The following EHBP1 variants were observed in gnomAD, a reference collection of about 807,000 sequenced individuals.
The protein encoded by EHBP1 is EH domain binding protein 1.
In EHBP1, 55 loss-of-function variants were observed where a neutral mutation model predicts 144.0. That is an observed-to-expected ratio of 0.38 (90% CI 0.31 to 0.48). The LOEUF is 0.48. EHBP1 is among the 20% of genes least tolerant of loss of function. The pLI, the probability that EHBP1 is intolerant of heterozygous loss-of-function variation, is 0.98. For missense variants in EHBP1, 1,200 were observed against 1,364.2 expected (o/e 0.88, Z 1.90); for synonymous variants, 469 against 472.7 (o/e 0.99, Z 0.10).
At position 62,805,153 on chromosome 2, in the gene EHBP1, G is replaced by A. The variant is rs1219890197; in HGVS notation, c.313-20934G>A. 2.6e-5 allele frequency among the ~76,000 whole-genome samples: 4 copies of A among 152,096 alleles called. No individual in the cohort carries two copies. In the East Asian group the frequency reaches 7.7e-4, roughly 29 times the overall value. On this transcript the variant is annotated intron_variant, in intron 5 of 22. Transcript: ENST00000431489. ...TAATTTAGGATCAATGTGAAGAATTGACTAAGAATTTTTCATCTAGTTATC... is the reference window on the plus strand; with the variant it reads ...TAATTTAGGATCAATGTGAAGAATTAACTAAGAATTTTTCATCTAGTTATC...
chr2:62,739,277 A>G (rs1340864291), intron 2 of EHBP1, among the ~76,000 whole-genome samples: 2 of 152,214 alleles, frequency 1.3e-5, no homozygotes, highest in African/African-American at 4.8e-5. Flanking sequence ...CAGAAACAAG[A>G]CAGACAAATC....
chr2:62,924,256 T>G (rs1191275414), intron 10 of EHBP1, among the ~76,000 whole-genome samples: 1 of 152,150 alleles, frequency 6.6e-6, no homozygotes, highest in Non-Finnish European at 1.5e-5. Flanking sequence ...ATGGCAAGTT[T>G]ATAGCAATAA....
chr2:62,779,207 C>T (rs1356925409), intron 5 of EHBP1, among the ~76,000 whole-genome samples: 1 of 152,130 alleles, frequency 6.6e-6, no homozygotes, highest in Non-Finnish European at 1.5e-5. Flanking sequence ...GTTCCACCCC[C>T]TCTGGAAATG....
At chr2:62,761,387 G>C (rs2040755574) in intron 3 of EHBP1, among the ~76,000 whole-genome samples, 1 of 152,192 alleles carries the variant, frequency 6.6e-6, no homozygotes, top group Admixed American at 6.5e-5. Flanking sequence ...AAAGAGAATA[G>C]AGGGAGAATT....
chr2:62,978,293 T>G (rs1272341237), intron 14 of EHBP1, among the ~76,000 whole-genome samples: 1 of 151,374 alleles, frequency 6.6e-6, no homozygotes, highest in African/African-American at 2.4e-5. Context: ...CTCCGCCTCC[T>G]GGGTTCAAGT....
intron 16 of EHBP1, among the ~76,000 whole-genome samples, chr2:62,993,234 A>G (rs1339024086): frequency 6.6e-6 from 1 of 152,118 alleles, no homozygotes; most frequent in South Asian, 2.1e-4. Context: ...GGCTGTACAA[A>G]CTGATGACAC....
Position 62,949,054 on chromosome 2 carries a change from T to C in EHBP1, c.2208T>C (p.Asp736=). The C allele has an allele frequency of 1.2e-6, 2 of 1,610,200 alleles. No individual in the cohort carries two copies. The highest frequency in any genetic ancestry group is 1.7e-6 in the Non-Finnish European group (2 of 1,179,162). ...AACTTGGATACTCATATAGTAGAGA[T>C]CTAGACCTTGCTAAGAAAAAACATG... ...TSKLGYSYSR[D]LDLAKKKHAS... Residue 736 remains aspartate, a synonymous_variant, in exon 13 of 23, where the codon GAT becomes GAC. Transcript: ENST00000431489.
In EHBP1 at chr2:62,989,208, T is replaced by TA. The variant is rs1305968648; in HGVS notation, c.2609-1501dup. 4.0e-5 allele frequency among the ~76,000 whole-genome samples: 6 copies of TA among 151,884 alleles called. No individual in the cohort carries two copies. The East Asian group carries it at 7.7e-4, about 19-fold the overall frequency. On this transcript the variant is annotated intron_variant, in intron 15 of 22. Transcript: ENST00000431489. ...AACTTGGTTAGGTTTGATTTTTTTT[T>TA]AAAAAAACATTTTTGTTGCTTACTC... is the stretch of plus-strand genomic sequence containing the variant.
At position 62,858,824 on chromosome 2, in the gene EHBP1, A is replaced by G. The variant is rs960037458; in HGVS notation, c.635-345A>G. On this transcript the variant is annotated intron_variant, in intron 7 of 22. Transcript: ENST00000431489. ...ATTGTTTTTAGAATATTTGCTTATC[A>G]TAAGCCCATTTCAGTTATTCCTGTT... Among the ~76,000 whole-genome samples the G allele has an allele frequency of 5.9e-5, 9 of 152,320 alleles. No homozygotes were observed. In the South Asian group the frequency reaches 1.9e-3, roughly 32 times the overall value.
At chr2:62,935,847 T>C (rs2056349609) in intron 10 of EHBP1, among the ~76,000 whole-genome samples, 1 of 152,140 alleles carries the variant, frequency 6.6e-6, no homozygotes. Context: ...TTTTAGAATA[T>C]AAATGGACAT....
chr2:62,979,380 C>T (rs907384894), intron 15 of EHBP1, 45 bp downstream of exon 15: 1 of 1,578,316 alleles, frequency 6.3e-7, no homozygotes, highest in Non-Finnish European at 8.6e-7. Flanking sequence ...ACCCAGAAAT[C>T]CACAGTGGAC....
intron 19 of EHBP1, among the ~76,000 whole-genome samples, chr2:63,027,451 C>T (rs2061028683): frequency 6.6e-6 from 1 of 152,204 alleles, no homozygotes; most frequent in African/African-American, 2.4e-5. Context: ...GAAATTCACA[C>T]TAATCACCTG....
chr2:62,682,076 C>T (rs559152955), intron 1 of EHBP1, among the ~76,000 whole-genome samples: 64 of 152,292 alleles, frequency 4.2e-4, no homozygotes, highest in Non-Finnish European at 7.5e-4. Context: ...AGTTTGCCTT[C>T]AATGGACAGA....
chr2:62,891,107 G>A (rs915048476), intron 10 of EHBP1, among the ~76,000 whole-genome samples: 2 of 151,484 alleles, frequency 1.3e-5, no homozygotes, highest in Non-Finnish European at 2.9e-5. Context: ...GACCCGGGAG[G>A]CGGAGGTTGC....
intron 10 of EHBP1, among the ~76,000 whole-genome samples, chr2:62,904,370 G>A (rs1430685290): frequency 6.6e-6 from 1 of 152,124 alleles, no homozygotes; most frequent in African/African-American, 2.4e-5. Flanking sequence ...TGCACCTGTA[G>A]GCCTTTTATC....
chr2:62,674,214 G>A (rs943915929), intron 1 of EHBP1: 10 of 442,662 alleles, frequency 2.3e-5, no homozygotes, highest in Non-Finnish European at 4.6e-5. Context: ...GTGTGTGTGT[G>A]TAAAAGCTAC....
Position 62,693,589 on chromosome 2 carries a change from C to T in EHBP1, c.-295-13308C>T, listed in dbSNP as rs1036042814. On this transcript the variant is annotated intron_variant, in intron 1 of 22. Coordinates refer to the EHBP1 transcript ENST00000405015. ...GGTCAAATCAGGGCAATTGGGATAT[C>T]TGTCACCTCAAATATTTATCATTTC... Among the ~76,000 whole-genome samples, 8 of 152,096 alleles carry T rather than the reference C, an allele frequency of 5.3e-5. No individual in the cohort carries two copies. In the East Asian group the frequency reaches 1.3e-3, roughly 26 times the overall value.
intron 16 of EHBP1, among the ~76,000 whole-genome samples, chr2:62,992,323 T>C (rs1445475381): frequency 6.6e-6 from 1 of 152,174 alleles, no homozygotes; most frequent in Non-Finnish European, 1.5e-5. Context: ...TAGGATATTA[T>C]AAGCATGATA....
intron 10 of EHBP1, among the ~76,000 whole-genome samples, chr2:62,905,486 G>C (rs2053723611): frequency 1.3e-5 from 2 of 152,084 alleles, no homozygotes; most frequent in Non-Finnish European, 2.9e-5. Flanking sequence ...ATCTATTAAA[G>C]AGTATTTTAA....
Sources: gnomAD v4.1 joint callset for allele counts (sites outside exome capture counted in the v4.1 genomes callset) on GRCh38, gnomAD v4.1.1 for gene constraint, MANE v1.5 for transcripts, NCBI Gene and HGNC (gene_info 2026-07-23, HGNC 2026-07-21) for gene names.